Variants in PYY observed in about 807,000 individuals in gnomAD.
The protein encoded by PYY is peptide YY.
PYY carries 12 observed loss-of-function variants against 10.3 expected under a neutral mutation model. The observed-to-expected ratio is 1.17, with a 90% CI of 0.75 to 1.89. The LOEUF (loss-of-function observed/expected upper bound fraction) is 1.89, where lower values mean the gene tolerates loss of function less well. Ranked by LOEUF, PYY falls within the 40% of genes most tolerant of loss-of-function variation. The probability of loss-of-function intolerance (pLI) is 0.00; values close to 1 mark genes in which losing one functional copy is unlikely to be tolerated. For synonymous variants in PYY, 66 were observed against 62.0 expected (o/e 1.06, Z -0.30); for missense variants, 141 against 134.0 (o/e 1.05, Z -0.26).
chr17:43,995,328 TGTTTG>T (rs1002246313), intron 1 of PYY, among the ~76,000 whole-genome samples: 15 of 152,258 alleles, frequency 9.9e-5, no homozygotes, highest in South Asian at 6.2e-4. Flanking sequence ...TAACCGTTTT[TGTTTG>T]GTTTGGTTTG....
At chr17:43,954,626 G>C (rs1468781731), upstream of PYY, among the ~76,000 whole-genome samples, 1 of 152,188 alleles carries the variant, frequency 6.6e-6, no homozygotes, top group Admixed American at 6.5e-5. Context: ...TCGGCCACCT[G>C]TGTATCCAGA....
chr17:43,963,571 AAAGAAAG>A (rs1369988370), intron 2 of PYY, among the ~76,000 whole-genome samples: 31 of 28,580 alleles, frequency 1.1e-3, no homozygotes, highest in African/African-American at 3.8e-3. Flanking sequence ...GAAGGAAGGA[AAAGAAAG>A]AAAGAAAGAA....
intron 1 of PYY, among the ~76,000 whole-genome samples, chr17:43,999,046 ACCAAGG>A (rs1206250529): frequency 6.6e-6 from 1 of 152,140 alleles, no homozygotes; most frequent in African/African-American, 2.4e-5. Flanking sequence ...AGAGAAAAGG[ACCAAGG>A]CCTGAGCTCT....
chr17:43,953,626 G>T, intron 1 of PYY, 143 bp from the exon 2 acceptor site: 1 of 778,856 alleles, frequency 1.3e-6, no homozygotes, highest in Non-Finnish European at 2.0e-6. Flanking sequence ...CTTGCTGTGT[G>T]TTCTTGGGCA....
intron 1 of PYY, among the ~76,000 whole-genome samples, chr17:44,003,461 C>A (rs1445175718): frequency 6.6e-6 from 1 of 151,226 alleles, no homozygotes; most frequent in Non-Finnish European, 1.5e-5. Context: ...TTGAGACAAT[C>A]CTGGCCAACA....
intron 1 of PYY, among the ~76,000 whole-genome samples, chr17:43,994,316 C>T (rs1231558465): frequency 6.6e-6 from 1 of 152,058 alleles, no homozygotes; most frequent in Non-Finnish European, 1.5e-5. Context: ...AACCCTGCAG[C>T]GGCTCCCCAG....
At chr17:43,981,250 T>C (rs2048882007) in intron 1 of PYY, among the ~76,000 whole-genome samples, 1 of 152,174 alleles carries the variant, frequency 6.6e-6, no homozygotes, top group Admixed American at 6.5e-5. Flanking sequence ...GTTGAATTGC[T>C]GGGTTATAGG....
intron 1 of PYY, among the ~76,000 whole-genome samples, chr17:43,989,100 C>T (rs997377285): frequency 4.7e-5 from 7 of 149,276 alleles, no homozygotes; most frequent in East Asian, 4.3e-4. Flanking sequence ...ACAGGCTGGG[C>T]GCGGTGGCTC....
intron 2 of PYY, among the ~76,000 whole-genome samples, chr17:43,961,236 A>AT (rs375842790): frequency 6.6e-6 from 1 of 151,692 alleles, no homozygotes; most frequent in Non-Finnish European, 1.5e-5. Flanking sequence ...AAAAAAAAAA[A>AT]CAAACAAGCA....
intron 1 of PYY, among the ~76,000 whole-genome samples, chr17:43,985,259 G>T (rs1046169317): frequency 6.6e-6 from 1 of 152,062 alleles, no homozygotes; most frequent in African/African-American, 2.4e-5. Flanking sequence ...CACCCAAGCT[G>T]AAGTGCAGTG....
intron 1 of PYY, among the ~76,000 whole-genome samples, chr17:43,976,381 ACATG>A (rs2048846659): frequency 1.3e-5 from 2 of 150,072 alleles, no homozygotes; most frequent in African/African-American, 4.9e-5. Flanking sequence ...ATATACACAT[ACATG>A]TATACATATA....
In PYY at chr17:43,968,466, A is replaced by C. The variant is rs147335085; in HGVS notation, c.-462-1934T>G. Among the ~76,000 whole-genome samples, 475 of 152,334 alleles carry C rather than the reference A, an allele frequency of 3.1e-3. 2 individuals carry two copies. Among genetic ancestry groups the C allele is most frequent in the African/African-American group, 0.011 (454 of 41,576 alleles). ...AATGAAACAAAGATATTGTAAGAAAAAAAAACTACAGATCAATATCTCTCA... is the reference window on the plus strand; with the variant it reads ...AATGAAACAAAGATATTGTAAGAAACAAAAACTACAGATCAATATCTCTCA... On this transcript the variant is annotated intron_variant, in intron 1 of 6. Coordinates refer to the PYY transcript ENST00000360085.
At chr17:43,976,199 A>ATATACATATATGTATACATG (rs2048837831) in intron 1 of PYY, among the ~76,000 whole-genome samples, 1 of 100,936 alleles carries the variant, frequency 9.9e-6, no homozygotes, top group Non-Finnish European at 1.8e-5. Context: ...ATGTATACAT[A>ATATACATATATGTATACATG]TATACATATA....
chr17:43,955,628 G>A (rs2048666721), upstream of PYY, among the ~76,000 whole-genome samples: 1 of 152,058 alleles, frequency 6.6e-6, no homozygotes, highest in Non-Finnish European at 1.5e-5. Context: ...CCCTCATCCA[G>A]GGGGCAAGAC....
At chr17:43,960,859 A>AC (rs991254540) in intron 2 of PYY, among the ~76,000 whole-genome samples, 4 of 151,634 alleles carry the variant, frequency 2.6e-5, no homozygotes, top group Non-Finnish European at 2.9e-5. Context: ...CAAAAAAAAA[A>AC]AAAACGGTGT....
intron 1 of PYY, among the ~76,000 whole-genome samples, chr17:43,984,271 T>C (rs558029450): frequency 4.5e-4 from 69 of 152,308 alleles, no homozygotes; most frequent in Admixed American, 1.5e-3. Context: ...CCCGGTGCCC[T>C]GTCGGTCCTG....
chr17:43,953,023 C>G (rs1292109226), intron 3 of PYY, 43 bp from the exon 4 acceptor site: 3 of 1,587,074 alleles, frequency 1.9e-6, no homozygotes, highest in Non-Finnish European at 2.6e-6. Context: ...GGGAGGCGAG[C>G]CTGGGAGACG....
At chr17:43,958,212 A>C (rs1371810602), upstream of PYY, among the ~76,000 whole-genome samples, 1 of 151,088 alleles carries the variant, frequency 6.6e-6, no homozygotes, top group African/African-American at 2.4e-5. Flanking sequence ...TAAAGTTTGA[A>C]TTTTATATAA....
chr17:43,956,615 G>A (rs1452557200), upstream of PYY, among the ~76,000 whole-genome samples: 1 of 151,760 alleles, frequency 6.6e-6, no homozygotes, highest in African/African-American at 2.4e-5. Flanking sequence ...TCCCCATTCT[G>A]AGAGCACCTG....
Sources: allele counts gnomAD v4.1 joint callset (sites outside exome capture counted in the v4.1 genomes callset), GRCh38; gene constraint gnomAD v4.1.1; transcripts MANE v1.5; gene names NCBI Gene and HGNC (gene_info 2026-07-23, HGNC 2026-07-21).